SOX5: variants seen among roughly 807,000 people sequenced by gnomAD.
SOX5 encodes SRY-box transcription factor 5.
Under a neutral mutation model 92.0 loss-of-function variants are expected in SOX5, and 9 were observed. The observed-to-expected ratio is 0.10, with a 90% CI of 0.06 to 0.17. SOX5 has a LOEUF of 0.17. SOX5 is among the 10% of genes least tolerant of loss of function. The pLI is 1.00. For synonymous variants in SOX5, 344 were observed against 336.3 expected (o/e 1.02, Z -0.25); for missense variants, 642 against 944.5 (o/e 0.68, Z 4.20).
In SOX5 at chr12:23,883,108, G is replaced by A. The variant is rs535991436; in HGVS notation, c.270+12685C>T. 1.3e-4 allele frequency among the ~76,000 whole-genome samples: 20 copies of A among 152,036 alleles called. No individual in the cohort carries two copies. The East Asian group carries it at 1.6e-3, about 12-fold the overall frequency. ...CGGCAGGAGAATGGCGTGAACCCGG[G>A]AGGTGGAGCTTGCGGTGAGCTGAGA... On this transcript the variant is annotated intron_variant, in intron 2 of 14. Transcript: ENST00000451604.
chr12:23,606,887 A>G (rs2075320022), intron 8 of SOX5, among the ~76,000 whole-genome samples: 1 of 152,088 alleles, frequency 6.6e-6, no homozygotes, highest in African/African-American at 2.4e-5. Flanking sequence ...TAAAAGAGAT[A>G]GACCCAGTTG....
intron 7 of SOX5, among the ~76,000 whole-genome samples, chr12:23,663,509 T>C (rs924612981): frequency 2.0e-5 from 3 of 152,146 alleles, no homozygotes; most frequent in Non-Finnish European, 2.9e-5. Flanking sequence ...CACACAATAT[T>C]TGCTAATGGG....
Position 24,424,814 on chromosome 12 carries a change from G to T in SOX5, c.-250-56175C>A, listed in dbSNP as rs554359815. Among the ~76,000 whole-genome samples the T allele has an allele frequency of 4.0e-5, 6 of 150,704 alleles. 1 individual carries two copies. Among genetic ancestry groups the T allele is most frequent in the Non-Finnish European group, 5.9e-5 (4 of 67,706 alleles). ...TCTTTGTGAGTTTTTTTTTTGGGGG[G>T]GGGGGATGGCTGTTTTTCCCCCTAG... is the stretch of plus-strand genomic sequence containing the variant. On this transcript the variant is annotated intron_variant, in intron 1 of 4. Transcript: ENST00000446891.
At chr12:24,143,141 T>G (rs1305183209) in intron 4 of SOX5, among the ~76,000 whole-genome samples, 1 of 152,178 alleles carries the variant, frequency 6.6e-6, no homozygotes, top group Non-Finnish European at 1.5e-5. Flanking sequence ...TAAATGCTAT[T>G]AATACTTTGG....
chr12:24,489,808 A>T (rs1272072036), intron 1 of SOX5, among the ~76,000 whole-genome samples: 5 of 152,184 alleles, frequency 3.3e-5, no homozygotes, highest in Non-Finnish European at 7.3e-5. Flanking sequence ...TCTGATGGCT[A>T]CAAAGGGGTG....
chr12:23,631,107 T>C (rs1022708557), intron 8 of SOX5, among the ~76,000 whole-genome samples: 6 of 151,980 alleles, frequency 3.9e-5, no homozygotes, highest in Admixed American at 6.6e-5. Flanking sequence ...TAAAAATCCA[T>C]GGATAATATT....
At position 23,631,967 on chromosome 12, in the gene SOX5, C is replaced by T. The variant is rs148752654; in HGVS notation, c.1017+8845G>A. ...TAGGTTCTTCCTTAAAGGGGATTCTCGACAAACTGCTGGGCTCTGACTCTA... is the reference window on the plus strand; with the variant it reads ...TAGGTTCTTCCTTAAAGGGGATTCTTGACAAACTGCTGGGCTCTGACTCTA... On this transcript the variant is annotated intron_variant, in intron 8 of 14. Transcript: ENST00000451604. 3.9e-3 allele frequency among the ~76,000 whole-genome samples: 590 copies of T among 152,160 alleles called. 2 individuals carry two copies. Among genetic ancestry groups the T allele is most frequent in the African/African-American group, 0.013 (558 of 41,524 alleles).
At chr12:23,779,958 T>TGTGG (rs1190090610) in intron 3 of SOX5, among the ~76,000 whole-genome samples, 6 of 126,894 alleles carry the variant, frequency 4.7e-5, no homozygotes, top group Non-Finnish European at 4.9e-5. Flanking sequence ...AGCGAGACTG[T>TGTGG]GTGTGTGTGT....
chr12:23,549,831 T>A (rs1943854870), intron 11 of SOX5, among the ~76,000 whole-genome samples: 1 of 151,928 alleles, frequency 6.6e-6, no homozygotes, highest in Non-Finnish European at 1.5e-5. Context: ...TTAGGTTAAG[T>A]CTGTTTAAAA....
intron 4 of SOX5, among the ~76,000 whole-genome samples, chr12:24,061,145 G>A (rs1477647330): frequency 6.6e-6 from 1 of 151,706 alleles, no homozygotes; most frequent in Non-Finnish European, 1.5e-5. Context: ...CTATTGTCAA[G>A]TTTCCACACA....
intron 1 of SOX5, among the ~76,000 whole-genome samples, chr12:24,555,280 T>G (rs546080793): frequency 1.3e-5 from 2 of 152,250 alleles, no homozygotes; most frequent in African/African-American, 4.8e-5. Context: ...ATGAAGAGAG[T>G]TCTGCCTCAT....
chr12:23,675,655 T>C (rs4963709), intron 6 of SOX5, among the ~76,000 whole-genome samples: 148,255 of 152,246 alleles, frequency 0.97, 72,295 homozygotes, highest in East Asian at 1. Context: ...TTTAATATCA[T>C]ACCAAAAGCT....
intron 2 of SOX5, among the ~76,000 whole-genome samples, chr12:23,859,391 C>G (rs149270301): frequency 6.6e-6 from 1 of 152,170 alleles, no homozygotes; most frequent in Admixed American, 6.6e-5. Context: ...GGATGAAATA[C>G]GCTCTGGTCT....
chr12:24,510,892 C>T (rs1007300559), intron 1 of SOX5, among the ~76,000 whole-genome samples: 2 of 152,168 alleles, frequency 1.3e-5, no homozygotes, highest in Non-Finnish European at 2.9e-5. Flanking sequence ...GTATTCTTGG[C>T]TGAAAGGGGG....
At chr12:24,414,494 T>G (rs1342699743) in intron 1 of SOX5, among the ~76,000 whole-genome samples, 2 of 152,216 alleles carry the variant, frequency 1.3e-5, no homozygotes, top group African/African-American at 4.8e-5. Context: ...GTGCTAATAC[T>G]CTGCATCAAA....
At chr12:24,184,892 G>A (rs552923709) in intron 4 of SOX5, among the ~76,000 whole-genome samples, 10 of 152,116 alleles carry the variant, frequency 6.6e-5, no homozygotes, top group Admixed American at 6.6e-4. Context: ...ACTATTTTGT[G>A]AAGAATAGAG....
intron 1 of SOX5, among the ~76,000 whole-genome samples, chr12:24,475,993 TAAAAAAAAA>T (rs71450741): frequency 5.8e-5 from 5 of 86,136 alleles, no homozygotes; most frequent in African/African-American, 1.9e-4. Flanking sequence ...GAAATACATT[TAAAAAAAAA>T]AAAAAAAAAA....
At chr12:24,527,626 G>A (rs946144421) in intron 1 of SOX5, among the ~76,000 whole-genome samples, 1 of 151,908 alleles carries the variant, frequency 6.6e-6, no homozygotes, top group East Asian at 1.9e-4. Flanking sequence ...ATTTATTTTT[G>A]TCTCCTAAAG....
chr12:23,741,096 A>C (rs1275315456), intron 4 of SOX5, 57 bp from the exon 5 acceptor site: 1 of 1,379,430 alleles, frequency 7.2e-7, no homozygotes, highest in Non-Finnish European at 9.8e-7. Context: ...TAATTATTTC[A>C]ATGAAAATGG....
Sources: allele counts gnomAD v4.1 joint callset (sites outside exome capture counted in the v4.1 genomes callset), GRCh38; gene constraint gnomAD v4.1.1; transcripts MANE v1.5; gene names NCBI Gene and HGNC (gene_info 2026-07-23, HGNC 2026-07-21).